OXR1: variants seen among roughly 807,000 people sequenced by gnomAD.
OXR1 encodes the protein oxidation resistance 1.
In OXR1, 41 loss-of-function variants were observed where a neutral mutation model predicts 104.6. The ratio of observed to expected loss-of-function variants is 0.39; its 90% CI spans 0.31 to 0.51. The LOEUF is 0.51. Among genes scored for constraint, OXR1 ranks in the 20% least tolerant of loss-of-function variants. OXR1 has a pLI of 0.77. For missense variants in OXR1, 955 were observed against 1,031.9 expected, an observed-to-expected ratio of 0.93 and a Z score of 1.02; for synonymous variants, 348 against 348.4, an observed-to-expected ratio of 1.00 and a Z score of 0.01.
chr8:106,533,148 T>TG (rs1223330981), intron 3 of OXR1, among the ~76,000 whole-genome samples: 1 of 152,202 alleles, frequency 6.6e-6, no homozygotes, highest in African/African-American at 2.4e-5. Context: ...AGCTCTTGGC[T>TG]GCCCCTGACT....
chr8:106,435,410 A>C (rs1186616999), intron 2 of OXR1, among the ~76,000 whole-genome samples: 1 of 152,148 alleles, frequency 6.6e-6, no homozygotes, highest in Non-Finnish European at 1.5e-5. Context: ...TCAGTCATTC[A>C]GTCAGGTCTT....
chr8:106,707,349 T>C (rs1831245575), intron 9 of OXR1: 2 of 652,092 alleles, frequency 3.1e-6, no homozygotes, highest in Non-Finnish European at 5.4e-6. Context: ...GTACACATAA[T>C]GAGCATCATT....
intron 3 of OXR1, among the ~76,000 whole-genome samples, chr8:106,642,507 A>G (rs916153648): frequency 6.6e-6 from 1 of 152,178 alleles, no homozygotes; most frequent in African/African-American, 2.4e-5. Flanking sequence ...TTCATCTGCT[A>G]CAAGTATGTG....
chr8:106,272,821 C>T (rs1439229005), intron 1 of OXR1: 2 of 152,018 alleles, frequency 1.3e-5, no homozygotes, highest in African/African-American at 4.8e-5. Flanking sequence ...TATTATAAAT[C>T]ATGTGAAGGT....
At chr8:106,505,654 A>C (rs1428095744) in intron 2 of OXR1, among the ~76,000 whole-genome samples, 1 of 152,212 alleles carries the variant, frequency 6.6e-6, no homozygotes, top group Admixed American at 6.5e-5. Context: ...AATAAGAAGC[A>C]ATCAGCAATT....
chr8:106,653,083 A>AAAATATAT (rs1554611974), intron 3 of OXR1, among the ~76,000 whole-genome samples: 1 of 137,156 alleles, frequency 7.3e-6, no homozygotes, highest in African/African-American at 2.7e-5. Flanking sequence ...AAAAAAAAAA[A>AAAATATAT]ATATATATAT....
chr8:106,370,221 A>C (rs900828941), intron 2 of OXR1, among the ~76,000 whole-genome samples: 18 of 152,256 alleles, frequency 1.2e-4, no homozygotes, highest in African/African-American at 4.1e-4. Flanking sequence ...GTGTAAAGGA[A>C]TGCTTTTGAT....
rs372615342 is a variant in OXR1 at position 106,701,692 on chromosome 8, A to C, written c.676-1214A>C. On this transcript the variant is annotated intron_variant, in intron 7 of 16. Transcript: ENST00000517566. ...ATACAGAGGAATTATATATAGCATA[A>C]AGCATGAACTAGCTGGACTTCAAAT... Among the ~76,000 whole-genome samples, 11 of 152,336 alleles carry C rather than the reference A, an allele frequency of 7.2e-5. No homozygotes were observed. The East Asian group carries it at 1.9e-3, about 27-fold the overall frequency.
At chr8:106,669,201 A>T (rs3110440) in intron 3 of OXR1, among the ~76,000 whole-genome samples, 36,395 of 147,882 alleles carry the variant, frequency 0.25, 4,805 homozygotes, top group African/African-American at 0.36. Context: ...GAGATCAGAT[A>T]AAAAAAAAGT....
At chr8:106,496,172 G>T (rs1184629825) in intron 2 of OXR1, among the ~76,000 whole-genome samples, 1 of 152,120 alleles carries the variant, frequency 6.6e-6, no homozygotes, top group Non-Finnish European at 1.5e-5. Context: ...TAGGTCAGTG[G>T]TTCTCAAAGT....
At chr8:106,294,641 C>G (rs3019310) in intron 1 of OXR1, among the ~76,000 whole-genome samples, 45,439 of 151,572 alleles carry the variant, frequency 0.3, 7,099 homozygotes, top group East Asian at 0.56. Context: ...GTGCCAAACA[C>G]TTTTAAATAA....
At chr8:106,289,618 T>C (rs1241458136) in intron 1 of OXR1, among the ~76,000 whole-genome samples, 2 of 152,234 alleles carry the variant, frequency 1.3e-5, no homozygotes, top group African/African-American at 4.8e-5. Flanking sequence ...ATGCTATTCC[T>C]ATCAAACCAT....
intron 3 of OXR1, among the ~76,000 whole-genome samples, chr8:106,577,642 G>A (rs1321181397): frequency 6.6e-6 from 1 of 151,886 alleles, no homozygotes; most frequent in African/African-American, 2.4e-5. Flanking sequence ...CACCTTCCTC[G>A]GCTTCCCAAA....
At chr8:106,639,107 C>A (rs929574156) in intron 3 of OXR1, among the ~76,000 whole-genome samples, 10 of 152,080 alleles carry the variant, frequency 6.6e-5, no homozygotes, top group African/African-American at 2.4e-4. Flanking sequence ...AGTTACTTTC[C>A]TTATAGAGTT....
intron 3 of OXR1, among the ~76,000 whole-genome samples, chr8:106,622,043 CAT>C (rs1821747269): frequency 6.6e-6 from 1 of 152,146 alleles, no homozygotes; most frequent in Admixed American, 6.5e-5. Flanking sequence ...ATATATTATT[CAT>C]ATATTAAACT....
intron 1 of OXR1, among the ~76,000 whole-genome samples, chr8:106,303,222 A>G (rs964589890): frequency 6.7e-6 from 1 of 149,602 alleles, no homozygotes; most frequent in Admixed American, 6.7e-5. Flanking sequence ...TTACTCTGCC[A>G]GGAACTTGGC....
At chr8:106,741,947 CTTT>C (rs1023353608) in intron 14 of OXR1, among the ~76,000 whole-genome samples, 1 of 152,056 alleles carries the variant, frequency 6.6e-6, no homozygotes, top group Non-Finnish European at 1.5e-5. Context: ...GTGTTAACCA[CTTT>C]TTAAGATTGT....
chr8:106,624,212 C>G (rs1821960873), intron 3 of OXR1, among the ~76,000 whole-genome samples: 1 of 152,176 alleles, frequency 6.6e-6, no homozygotes, highest in African/African-American at 2.4e-5. Flanking sequence ...CTGGGTCACT[C>G]AGGTCCTTTG....
chr8:106,692,634 T>C (rs577115082), intron 6 of OXR1, 94 bp from the exon 7 acceptor site: 51 of 650,068 alleles, frequency 7.8e-5, no homozygotes, highest in Middle Eastern at 3.1e-4. Context: ...ACAACACTTA[T>C]TGGGGAAAGC....
Sources: allele counts gnomAD v4.1 joint callset (sites outside exome capture counted in the v4.1 genomes callset), GRCh38; gene constraint gnomAD v4.1.1; transcripts MANE v1.5; gene names NCBI Gene and HGNC (gene_info 2026-07-23, HGNC 2026-07-21).